Variants in AFF1 observed in about 807,000 individuals in gnomAD.
The protein encoded by AFF1 is ALF transcription elongation factor 1, also known as AF4/FMR2 family member 1.
A neutral mutation model predicts 121.7 loss-of-function variants in AFF1; 48 were observed. That is an observed-to-expected ratio of 0.39 (90% CI 0.31 to 0.50). The LOEUF is 0.50. Among genes scored for constraint, AFF1 ranks in the 20% least tolerant of loss-of-function variants. AFF1 has a pLI of 0.76. For synonymous variants in AFF1, 613 were observed against 563.0 expected (o/e 1.09, Z -1.26); for missense variants, 1,523 against 1,511.7 (o/e 1.01, Z -0.12).
intron 12 of AFF1, among the ~76,000 whole-genome samples, chr4:87,120,514 G>C (rs925024778): frequency 2.6e-5 from 4 of 152,212 alleles, no homozygotes; most frequent in East Asian, 1.9e-4. Flanking sequence ...TAGATCTGCA[G>C]CTCAGGCATG....
chr4:87,081,882 C>T (rs1181909784), intron 4 of AFF1, among the ~76,000 whole-genome samples: 1 of 152,082 alleles, frequency 6.6e-6, no homozygotes, highest in African/African-American at 2.4e-5. Flanking sequence ...TTCTTCAGTC[C>T]TGGTTCATCC....
rs1726106583 is a variant in AFF1, at chr4:87,108,126, G to A, written c.1377-33G>A. The A allele has an allele frequency of 1.9e-6, 3 of 1,608,380 alleles. No homozygotes were observed. The South Asian group carries it at 3.3e-5, about 18-fold the overall frequency. ...AAAGAAGAAATCCACCTTGTATCGT[G>A]CCTTCTAATTTTATCTTTTGGTTGC... is the stretch of plus-strand genomic sequence containing the variant. On this transcript the variant is annotated intron_variant, in intron 10 of 20. Transcript: ENST00000395146.
chr4:87,072,842 A>G (rs1722232256), intron 4 of AFF1, among the ~76,000 whole-genome samples: 1 of 152,166 alleles, frequency 6.6e-6, no homozygotes, highest in Non-Finnish European at 1.5e-5. Flanking sequence ...TCTTGTGTTT[A>G]TTTAAAAAGA....
At chr4:87,090,312 G>A (rs568861624) in intron 6 of AFF1, among the ~76,000 whole-genome samples, 16 of 152,266 alleles carry the variant, frequency 1.1e-4, no homozygotes, top group African/African-American at 3.6e-4. Flanking sequence ...TTTCCAATAC[G>A]TTCTCTCATT....
chr4:87,103,845 A>G (rs1725658752), intron 8 of AFF1, among the ~76,000 whole-genome samples: 1 of 152,244 alleles, frequency 6.6e-6, no homozygotes, highest in African/African-American at 2.4e-5. Flanking sequence ...AATCAGTTTT[A>G]TTCAAAACAA....
intron 2 of AFF1, among the ~76,000 whole-genome samples, chr4:87,045,089 C>G (rs1392197026): frequency 6.6e-6 from 1 of 151,714 alleles, no homozygotes; most frequent in Non-Finnish European, 1.5e-5. Context: ...AGGCTTTTGT[C>G]AAAGGAAATA....
At chr4:87,115,796 A>C (rs910993906) in intron 12 of AFF1, among the ~76,000 whole-genome samples, 1 of 151,308 alleles carries the variant, frequency 6.6e-6, no homozygotes, top group African/African-American at 2.4e-5. Flanking sequence ...TTTTTTGTAG[A>C]GGTGGGGTTT....
chr4:87,042,977 C>T (rs530714380), intron 2 of AFF1, among the ~76,000 whole-genome samples: 5 of 152,268 alleles, frequency 3.3e-5, no homozygotes, highest in East Asian at 3.9e-4. Context: ...AATGTAACTT[C>T]GTTAAAGGAA....
intron 20 of AFF1, among the ~76,000 whole-genome samples, chr4:87,135,103 G>A (rs1379919969): frequency 6.6e-6 from 1 of 152,196 alleles, no homozygotes; most frequent in Non-Finnish European, 1.5e-5. Flanking sequence ...TTTAGTATAT[G>A]TTAAGAAAGA....
chr4:87,076,077 G>T (rs1722643130), intron 4 of AFF1, among the ~76,000 whole-genome samples: 1 of 152,124 alleles, frequency 6.6e-6, no homozygotes, highest in Non-Finnish European at 1.5e-5. Flanking sequence ...AGAGTTGAAT[G>T]TGATTGGAGA....
At position 87,047,504 on chromosome 4, in the gene AFF1, C is replaced by G; in HGVS notation, c.969C>G (p.Asp323Glu). 6.2e-7 allele frequency: 1 copy of G among 1,614,200 alleles called. No individual in the cohort carries two copies. Among genetic ancestry groups the G allele is most frequent in the South Asian group, 1.1e-5 (1 of 91,080 alleles). Residue 323 changes from aspartate (D) to glutamate (E), a missense_variant, in exon 4 of 21, where the codon GAC (aspartate) becomes GAG (glutamate). By Grantham distance (45) the Asp-to-Glu change is conservative. Around this residue, in one of 5 missense-constraint regions of AFF1, gnomAD observed 905 missense variants for 842.5 expected, o/e 1.07. Transcript: ENST00000395146. Reference sequence around the variant, plus strand: ...CTGAACTGAAACCACTGCCGGAGGACTATCGACAGCAGACCTTTGAAAAAA... The same window carrying G: ...CTGAACTGAAACCACTGCCGGAGGAGTATCGACAGCAGACCTTTGAAAAAA... The part of the protein sequence containing the change: ...ESPELKPLPE[D>E]YRQQTFEKTD...
chr4:87,016,345 T>C, intron 2 of AFF1, among the ~76,000 whole-genome samples: 1 of 151,824 alleles, frequency 6.6e-6, no homozygotes, highest in Non-Finnish European at 1.5e-5. Context: ...GGTCAGGAGA[T>C]CAAGACCATC....
intron 2 of AFF1, among the ~76,000 whole-genome samples, chr4:87,000,275 AT>A (rs1325625989): frequency 1.3e-5 from 2 of 152,216 alleles, no homozygotes; most frequent in African/African-American, 4.8e-5. Flanking sequence ...CCAAAACCAG[AT>A]AGAGGAACAT....
At chr4:87,054,751 C>T (rs1242690106) in intron 4 of AFF1, among the ~76,000 whole-genome samples, 1 of 152,104 alleles carries the variant, frequency 6.6e-6, no homozygotes, top group Non-Finnish European at 1.5e-5. Context: ...AATTTTAAAC[C>T]TGAAAAGATC....
At chr4:87,130,937 A>G in intron 16 of AFF1, 146 bp from the exon 17 acceptor site, 1 of 1,104,262 alleles carries the variant, frequency 9.1e-7, no homozygotes, top group Non-Finnish European at 1.3e-6. Context: ...GGCTTTGGTT[A>G]TCATTTTTAG....
chr4:86,974,338 C>T (rs560014055), intron 2 of AFF1, among the ~76,000 whole-genome samples: 36 of 152,040 alleles, frequency 2.4e-4, no homozygotes, highest in South Asian at 1.7e-3. Context: ...TTAGTAGAGA[C>T]GGGGTTTTAC....
At chr4:86,987,692 G>A (rs1390851101) in intron 2 of AFF1, among the ~76,000 whole-genome samples, 1 of 152,202 alleles carries the variant, frequency 6.6e-6, no homozygotes, top group Non-Finnish European at 1.5e-5. Context: ...CAGTGGTCAT[G>A]CCTGTAATCC....
chr4:87,069,554 T>TCC (rs1721779532), intron 4 of AFF1, among the ~76,000 whole-genome samples: 1 of 143,564 alleles, frequency 7.0e-6, no homozygotes, highest in Non-Finnish European at 1.5e-5. Flanking sequence ...TTCTCTCCCC[T>TCC]TTCCCTCTCC....
intron 4 of AFF1, among the ~76,000 whole-genome samples, chr4:87,049,936 T>G (rs1731109499): frequency 6.6e-6 from 1 of 152,136 alleles, no homozygotes; most frequent in African/African-American, 2.4e-5. Flanking sequence ...TTAATGAAGA[T>G]CTCATGTTGC....
Sources: allele counts gnomAD v4.1 joint callset (sites outside exome capture counted in the v4.1 genomes callset), GRCh38; gene constraint gnomAD v4.1.1; regional missense constraint gnomAD v4.1.1; transcripts MANE v1.5; gene names NCBI Gene and HGNC (gene_info 2026-07-23, HGNC 2026-07-21).